Variants in CCDC171 observed in about 807,000 individuals in gnomAD.
CCDC171 encodes coiled-coil domain-containing protein 171.
CCDC171 carries 177 observed loss-of-function variants against 168.2 expected under a neutral mutation model. That is an observed-to-expected ratio of 1.05 (90% CI 0.93 to 1.19). The LOEUF (loss-of-function observed/expected upper bound fraction) is 1.19. Among genes scored for constraint, CCDC171 ranks in the 50% most tolerant of loss-of-function variants. The pLI, the probability that CCDC171 is intolerant of heterozygous loss-of-function variation, is 0.00. For synonymous variants in CCDC171, 687 were observed against 540.8 expected (o/e 1.27, Z -3.75); for missense variants, 1,991 against 1,539.0 (o/e 1.29, Z -4.91).
At chr9:15,634,327 C>T (rs2046022240) in intron 7 of CCDC171, among the ~76,000 whole-genome samples, 1 of 151,804 alleles carries the variant, frequency 6.6e-6, no homozygotes, top group South Asian at 2.1e-4. Context: ...TAGGTCTTTT[C>T]TCTGTATTTC....
chr9:15,644,309 G>A (rs2046867408), intron 7 of CCDC171, among the ~76,000 whole-genome samples: 1 of 152,194 alleles, frequency 6.6e-6, no homozygotes, highest in South Asian at 2.1e-4. Context: ...ACAGCACCCA[G>A]CGTGAGTGAT....
intron 7 of CCDC171, among the ~76,000 whole-genome samples, chr9:15,630,498 C>T (rs917669044): frequency 3.9e-5 from 6 of 152,160 alleles, no homozygotes; most frequent in Admixed American, 3.3e-4. Flanking sequence ...TATGTGCACC[C>T]AATACAGGAG....
chr9:16,050,524 C>G (rs988306849), intron 1 of CCDC171, among the ~76,000 whole-genome samples: 4 of 152,196 alleles, frequency 2.6e-5, no homozygotes, highest in Admixed American at 2.6e-4. Context: ...CCTGTGCACA[C>G]AGTGCCAGTT....
chr9:15,653,440 C>T (rs552669480), intron 7 of CCDC171, among the ~76,000 whole-genome samples: 5 of 152,046 alleles, frequency 3.3e-5, no homozygotes, highest in Admixed American at 1.3e-4. Context: ...CTGTGCCTGG[C>T]CTAATTTTGT....
chr9:15,752,861 T>C (rs2134885144), intron 18 of CCDC171, among the ~76,000 whole-genome samples: 1 of 152,066 alleles, frequency 6.6e-6, no homozygotes, highest in African/African-American at 2.4e-5. Flanking sequence ...GCACATTGTG[T>C]ACATGTACCC....
chr9:15,747,038 C>T (rs538181207), intron 18 of CCDC171, among the ~76,000 whole-genome samples: 4 of 152,352 alleles, frequency 2.6e-5, no homozygotes, highest in South Asian at 2.1e-4. Flanking sequence ...GTGCAGCAGT[C>T]TGAGAATGAC....
At chr9:15,968,321 A>G (rs2132750621) in intron 25 of CCDC171, among the ~76,000 whole-genome samples, 1 of 152,308 alleles carries the variant, frequency 6.6e-6, no homozygotes, top group South Asian at 2.1e-4. Context: ...TTACAGATTT[A>G]AAATATAAGA....
chr9:15,906,225 G>T (rs1471491686), intron 24 of CCDC171, among the ~76,000 whole-genome samples: 1 of 152,130 alleles, frequency 6.6e-6, no homozygotes, highest in Non-Finnish European at 1.5e-5. Flanking sequence ...AACCCAAAAA[G>T]AGAATTTTAG....
chr9:16,037,289 T>G (rs1003880435), intron 8 of CCDC171, among the ~76,000 whole-genome samples: 8 of 152,128 alleles, frequency 5.3e-5, no homozygotes, highest in African/African-American at 1.9e-4. Context: ...TGTCTAAAAA[T>G]AAATACATGG....
At chr9:15,990,332 A>G (rs1287610732) in intron 3 of CCDC171, among the ~76,000 whole-genome samples, 2 of 152,190 alleles carry the variant, frequency 1.3e-5, no homozygotes, top group Non-Finnish European at 2.9e-5. Flanking sequence ...ACTAAGCTTC[A>G]TAAGCGAAGG....
chr9:15,899,378 T>C (rs1056452044), intron 24 of CCDC171, among the ~76,000 whole-genome samples: 2 of 152,202 alleles, frequency 1.3e-5, no homozygotes, highest in Admixed American at 6.5e-5. Context: ...CCTAGCTATA[T>C]GTAAGTTACA....
chr9:15,920,472 C>A, intron 25 of CCDC171, 50 bp downstream of exon 25: 1 of 1,300,364 alleles, frequency 7.7e-7, no homozygotes, highest in East Asian at 2.4e-5. Flanking sequence ...TCTTGGGTTA[C>A]ATTTACATTT....
chr9:15,780,204 A>G (rs181995801), intron 20 of CCDC171, among the ~76,000 whole-genome samples: 2 of 152,334 alleles, frequency 1.3e-5, no homozygotes, highest in Admixed American at 1.3e-4. Context: ...AGGTCAAGTA[A>G]TCATGAATTA....
chr9:15,589,070 G>A (rs2041803404), intron 4 of CCDC171, among the ~76,000 whole-genome samples: 1 of 151,962 alleles, frequency 6.6e-6, no homozygotes, highest in Admixed American at 6.6e-5. Context: ...TTTTGAGGAA[G>A]GGACATGTGT....
intron 16 of CCDC171, 118 bp downstream of exon 16, chr9:15,729,916 C>CTTGTTTAGATACACATATAT (rs1230017225): frequency 1.4e-6 from 1 of 701,788 alleles, no homozygotes. Flanking sequence ...CTTCGTAGAA[C>CTTGTTTAGATACACATATAT]TTGTTTAGAT....
the CCDC171 span, among the ~76,000 whole-genome samples, chr9:16,086,909 A>T: frequency 1.3e-5 from 2 of 152,124 alleles, no homozygotes; most frequent in African/African-American, 2.4e-5. Context: ...TAGCTGTGTC[A>T]CAGAGATTCT....
At chr9:15,654,224 T>C (rs2047748334) in intron 7 of CCDC171, among the ~76,000 whole-genome samples, 1 of 152,206 alleles carries the variant, frequency 6.6e-6, no homozygotes, top group Admixed American at 6.5e-5. Context: ...CCAAAACTAT[T>C]TTCTAGTATA....
chr9:15,972,311 G>A lies in CCDC171; in HGVS notation c.*475G>A, dbSNP rs1831433530. ...CTTCTCTCTTGTCAGCTCAACTGAA[G>A]ACAAGCATTTAGTTGCAAACTTTAA... On this transcript the variant is annotated 3_prime_UTR_variant, in exon 26 of 26. Coordinates refer to ENST00000380701, the MANE Select transcript of CCDC171 (RefSeq NM_173550.4). 6.3e-6 allele frequency: 1 copy of A among 159,052 alleles called. No homozygotes were observed. Among genetic ancestry groups the A allele is most frequent in the African/African-American group, 2.4e-5 (1 of 41,494 alleles). The allele number at this position is 159,052 out of a possible 1,614,324, so 9.9% of individuals were successfully genotyped here.
intron 21 of CCDC171, among the ~76,000 whole-genome samples, chr9:15,786,545 A>G (rs2057965885): frequency 6.6e-6 from 1 of 152,122 alleles, no homozygotes. Flanking sequence ...TTCAAACACC[A>G]TGTCAAGGAT....
Sources: allele counts gnomAD v4.1 joint callset (sites outside exome capture counted in the v4.1 genomes callset), GRCh38; gene constraint gnomAD v4.1.1; transcripts MANE v1.5; gene names NCBI Gene and HGNC (gene_info 2026-07-23, HGNC 2026-07-21).